SEMA4B: variants seen among roughly 807,000 people sequenced by gnomAD.
SEMA4B encodes semaphorin 4B.
SEMA4B carries 55 observed loss-of-function variants against 88.1 expected under a neutral mutation model. The ratio of observed to expected loss-of-function variants is 0.62; its 90% CI spans 0.50 to 0.78. The LOEUF is 0.78. Among genes scored for constraint, SEMA4B ranks in the 30% least tolerant of loss-of-function variants. The pLI is 0.00. For missense variants in SEMA4B, 1,062 were observed against 1,111.9 expected, an observed-to-expected ratio of 0.96 and a Z score of 0.64; for synonymous variants, 525 against 473.6, an observed-to-expected ratio of 1.11 and a Z score of -1.41.
At chr15:90,206,242 G>C (rs997973718) in intron 1 of SEMA4B, among the ~76,000 whole-genome samples, 1 of 152,170 alleles carries the variant, frequency 6.6e-6, no homozygotes, top group African/African-American at 2.4e-5. Flanking sequence ...GACTCAGGGG[G>C]CCTCTGATGT....
chr15:90,193,842 T>G (rs1367737956), intron 1 of SEMA4B, among the ~76,000 whole-genome samples: 3 of 151,972 alleles, frequency 2.0e-5, no homozygotes, highest in Admixed American at 2.0e-4. Context: ...TTTCATAATA[T>G]TCTTTTTTTT....
intron 1 of SEMA4B, among the ~76,000 whole-genome samples, chr15:90,187,084 T>C (rs914341250): frequency 2.0e-5 from 3 of 152,254 alleles, no homozygotes; most frequent in Non-Finnish European, 2.9e-5. Context: ...GCCTTGAGGC[T>C]CTTGCTTTAA....
chr15:90,225,483 C>A, intron 11 of SEMA4B, 86 bp downstream of exon 11: 1 of 1,365,068 alleles, frequency 7.3e-7, no homozygotes. Flanking sequence ...GCTTCTCCTC[C>A]CTTGCCTCAG....
At chr15:90,214,976 T>G (rs1228119036) in intron 1 of SEMA4B, 2 of 1,277,320 alleles carry the variant, frequency 1.6e-6, no homozygotes, top group Non-Finnish European at 2.0e-6. Context: ...TAAACACACA[T>G]GAAGTCATCT....
At chr15:90,216,843 CA>C (rs71461854) in intron 1 of SEMA4B, among the ~76,000 whole-genome samples, 5 of 147,986 alleles carry the variant, frequency 3.4e-5, no homozygotes, top group Non-Finnish European at 1.5e-5. Context: ...GACTTCGTCT[CA>C]AAAAAAAAAG....
At chr15:90,187,037 TGGG>T (rs1165914887) in intron 1 of SEMA4B, among the ~76,000 whole-genome samples, 3 of 152,218 alleles carry the variant, frequency 2.0e-5, no homozygotes, top group Non-Finnish European at 4.4e-5. Flanking sequence ...ACTTGTGCCT[TGGG>T]GAGAGCTGAG....
At chr15:90,216,553 A>G (rs1431774928) in intron 1 of SEMA4B, among the ~76,000 whole-genome samples, 2 of 151,986 alleles carry the variant, frequency 1.3e-5, no homozygotes, top group Non-Finnish European at 2.9e-5. Context: ...AATTGAAAAC[A>G]CTCCCATTCT....
At position 90,225,198 on chromosome 15, in the gene SEMA4B, C is replaced by T; in HGVS notation, c.1405+20C>T. On this transcript the variant is annotated intron_variant, in intron 10 of 13. Coordinates refer to ENST00000411539, the MANE Select transcript of SEMA4B (RefSeq NM_198925.4). ...GCACTGGTAAGTGTCTGCAGCCCAG[C>T]AGGCTCAGGGGAAGGGGTGCACGTG... 6.3e-7 allele frequency: 1 copy of T among 1,574,850 alleles called. No homozygotes were observed. Among genetic ancestry groups the T allele is most frequent in the Non-Finnish European group, 8.6e-7 (1 of 1,159,732 alleles).
upstream of SEMA4B, among the ~76,000 whole-genome samples, chr15:90,198,690 C>A (rs531877742): frequency 1.2e-4 from 18 of 152,074 alleles, no homozygotes; most frequent in African/African-American, 3.9e-4. Context: ...CTGGTTCGGG[C>A]TACTATATAT....
At position 90,228,221 on chromosome 15, in the gene SEMA4B, G is replaced by T; in HGVS notation, c.2092G>T (p.Val698Leu). ...SVPVIISTSR[V>L]SAPAGGKASW... ...ACCCGTCATTATCAGCACATCGCGT[G>T]TGAGTGCACCAGCTGGTGGCAAGGC... The change falls in exon 14 of 14, where the codon GTG becomes TTG. Residue 698 changes from valine (V) to leucine (L), a missense_variant. Coordinates refer to ENST00000411539, the MANE Select transcript of SEMA4B (RefSeq NM_198925.4). 1 of 1,607,302 alleles carries T rather than the reference G, an allele frequency of 6.2e-7. No individual in the cohort carries two copies.
chr15:90,210,510 G>C (rs1001058136), intron 1 of SEMA4B, among the ~76,000 whole-genome samples: 2 of 152,166 alleles, frequency 1.3e-5, no homozygotes, highest in Non-Finnish European at 2.9e-5. Context: ...CTGCAGCCAG[G>C]TGGCCCAGGG....
At chr15:90,221,299 CTG>C in intron 5 of SEMA4B, 66 bp from the exon 6 acceptor site, 9 of 1,386,510 alleles carry the variant, frequency 6.5e-6, no homozygotes, top group Non-Finnish European at 9.0e-6. Flanking sequence ...TGGGGTCACT[CTG>C]GGCCCTGAGC....
At chr15:90,186,487 C>T (rs1430279252) in intron 1 of SEMA4B, among the ~76,000 whole-genome samples, 3 of 151,904 alleles carry the variant, frequency 2.0e-5, no homozygotes, top group Non-Finnish European at 4.4e-5. Flanking sequence ...GGCATGGTGG[C>T]GCATGCCTGT....
chr15:90,208,885 G>T (rs896875361), intron 1 of SEMA4B, among the ~76,000 whole-genome samples: 5 of 151,992 alleles, frequency 3.3e-5, no homozygotes. Flanking sequence ...GGGACCTCAG[G>T]CATATGCCAC....
intron 1 of SEMA4B, among the ~76,000 whole-genome samples, chr15:90,205,707 G>A (rs1359449149): frequency 6.6e-6 from 1 of 152,194 alleles, no homozygotes; most frequent in Non-Finnish European, 1.5e-5. Flanking sequence ...GCTTGGTGAG[G>A]TTATTTGCAT....
At chr15:90,204,109 G>T (rs73477807) in intron 1 of SEMA4B, among the ~76,000 whole-genome samples, 14,021 of 152,234 alleles carry the variant, frequency 0.092, 2,130 homozygotes, top group African/African-American at 0.32. Context: ...CCTCATCCCA[G>T]GGGGCTCATT....
intron 3 of SEMA4B, among the ~76,000 whole-genome samples, chr15:90,218,567 C>A (rs1033542362): frequency 7.9e-5 from 12 of 152,200 alleles, no homozygotes; most frequent in Admixed American, 2.6e-4. Context: ...GCAGGTGGAT[C>A]ACAAGGTCTC....
At position 90,201,492 on chromosome 15, in the gene SEMA4B, G is replaced by A; in HGVS notation, c.-87G>A. 3.8e-6 allele frequency: 5 copies of A among 1,313,294 alleles called. No individual in the cohort carries two copies. In the South Asian group the frequency reaches 6.2e-5, roughly 16 times the overall value. The allele number at this position is 1,313,294 out of a possible 1,614,324, so 81.4% of individuals were successfully genotyped here. A position where few individuals can be genotyped will look rare whatever the true frequency, so the allele number is the denominator to read the frequency against. On this transcript the variant is annotated 5_prime_UTR_variant, in exon 1 of 14. Transcript: ENST00000411539. The stretch of plus-strand genomic sequence containing the variant: ...CGGGGGCCCCCGGGGCGACTCGGGG[G>A]CGGACCGCGGGGCGGAGCTGCCGCC...
At chr15:90,217,696 C>A in intron 2 of SEMA4B, 71 bp from the exon 3 acceptor site, 5 of 1,600,700 alleles carry the variant, frequency 3.1e-6, no homozygotes, top group Middle Eastern at 1.7e-4. Context: ...AAGGATGATG[C>A]CTATGGGAGA....
Sources: allele counts gnomAD v4.1 joint callset (sites outside exome capture counted in the v4.1 genomes callset), GRCh38; gene constraint gnomAD v4.1.1; transcripts MANE v1.5; gene names NCBI Gene and HGNC (gene_info 2026-07-23, HGNC 2026-07-21).